NELL1: variants seen among roughly 807,000 people sequenced by gnomAD.
NELL1 encodes the protein neural EGFL like 1.
A neutral mutation model predicts 107.4 loss-of-function variants in NELL1; 76 were observed. The observed-to-expected ratio is 0.71, with a 90% CI of 0.59 to 0.86. The LOEUF (loss-of-function observed/expected upper bound fraction) is 0.86. Among genes scored for constraint, NELL1 ranks in the 40% least tolerant of loss-of-function variants. NELL1 has a pLI of 0.00. For missense variants in NELL1, 1,024 were observed against 1,005.5 expected, an observed-to-expected ratio of 1.02 and a Z score of -0.25; for synonymous variants, 353 against 341.2, an observed-to-expected ratio of 1.03 and a Z score of -0.38.
intron 15 of NELL1, among the ~76,000 whole-genome samples, chr11:21,488,501 A>G (rs1854704764): frequency 6.6e-6 from 1 of 151,972 alleles, no homozygotes; most frequent in Non-Finnish European, 1.5e-5. Flanking sequence ...GGCTTAGGGT[A>G]TGGTTACTAG....
chr11:21,511,436 T>C lies in NELL1; in HGVS notation c.1646-22938T>C, dbSNP rs541260959. On this transcript the variant is annotated intron_variant, in intron 15 of 19. Coordinates refer to ENST00000357134, the MANE Select transcript of NELL1 (RefSeq NM_006157.5). Reference sequence around the variant, plus strand: ...TCACCAACGGCAATCTGGAGTGTTATGGAGACATGATGTTGGATGAGAAAG... The same window carrying C: ...TCACCAACGGCAATCTGGAGTGTTACGGAGACATGATGTTGGATGAGAAAG... Among the ~76,000 whole-genome samples, 7 of 152,272 alleles carry C rather than the reference T, an allele frequency of 4.6e-5. No individual in the cohort carries two copies. In the South Asian group the frequency reaches 8.3e-4, roughly 18 times the overall value.
At position 21,280,465 on chromosome 11, in the gene NELL1, C is replaced by T. The variant is rs867932511; in HGVS notation, c.1549+51011C>T. Among the ~76,000 whole-genome samples the T allele has an allele frequency of 5.9e-5, 9 of 152,292 alleles. No individual in the cohort carries two copies. In the South Asian group the frequency reaches 1.2e-3, roughly 21 times the overall value. On this transcript the variant is annotated intron_variant, in intron 14 of 19. Transcript: ENST00000357134. ...AGACAGTGTTGAATCACTGATGCCA[C>T]CTTTTCCCCATCACTCAGCAGGAGC...
At chr11:20,817,272 G>A (rs1857642891) in intron 3 of NELL1, among the ~76,000 whole-genome samples, 1 of 151,990 alleles carries the variant, frequency 6.6e-6, no homozygotes, top group African/African-American at 2.4e-5. Flanking sequence ...CTGGTCTAGG[G>A]CTTTTTTTTG....
chr11:20,697,871 C>A (rs1854666309), intron 2 of NELL1, among the ~76,000 whole-genome samples: 1 of 152,124 alleles, frequency 6.6e-6, no homozygotes, highest in Admixed American at 6.5e-5. Flanking sequence ...CCATGTGTAA[C>A]CATTTTCACA....
intron 16 of NELL1, among the ~76,000 whole-genome samples, chr11:21,559,545 C>T (rs560291206): frequency 6.6e-6 from 1 of 152,206 alleles, no homozygotes; most frequent in African/African-American, 2.4e-5. Flanking sequence ...CAGCATCCAT[C>T]CATATAGCAA....
chr11:21,347,972 T>C (rs1850721083), intron 14 of NELL1, among the ~76,000 whole-genome samples: 1 of 152,152 alleles, frequency 6.6e-6, no homozygotes, highest in South Asian at 2.1e-4. Flanking sequence ...GGAAAGAGAA[T>C]GGAGGATAAA....
intron 14 of NELL1, among the ~76,000 whole-genome samples, chr11:21,277,292 GA>G (rs1848887264): frequency 6.6e-6 from 1 of 152,018 alleles, no homozygotes; most frequent in Non-Finnish European, 1.5e-5. Flanking sequence ...AAAGACACAT[GA>G]AAAAATGCTC....
chr11:21,342,800 C>T (rs1182546093), intron 14 of NELL1, among the ~76,000 whole-genome samples: 1 of 152,002 alleles, frequency 6.6e-6, no homozygotes, highest in East Asian at 1.9e-4. Context: ...TGCTGAGCTA[C>T]TGGTTACCTT....
chr11:21,004,063 G>A (rs1349848646), intron 12 of NELL1, among the ~76,000 whole-genome samples: 1 of 152,006 alleles, frequency 6.6e-6, no homozygotes, highest in Non-Finnish European at 1.5e-5. Context: ...CATCACTAAT[G>A]CCCTTTGATC....
chr11:21,151,916 C>T (rs927735941), intron 13 of NELL1, among the ~76,000 whole-genome samples: 7 of 152,314 alleles, frequency 4.6e-5, no homozygotes, highest in African/African-American at 1.7e-4. Flanking sequence ...CATCTATCTC[C>T]ATCCATTTGG....
chr11:20,888,062 A>C (rs1217588675), intron 5 of NELL1, among the ~76,000 whole-genome samples: 2 of 152,186 alleles, frequency 1.3e-5, no homozygotes, highest in East Asian at 3.9e-4. Context: ...ATAGGCCCAG[A>C]GATAGTTGAA....
chr11:20,726,218 T>C (rs1564881662), intron 2 of NELL1, among the ~76,000 whole-genome samples: 1 of 152,246 alleles, frequency 6.6e-6, no homozygotes, highest in Non-Finnish European at 1.5e-5. Flanking sequence ...CAAGCACATA[T>C]GTCTTTTGGT....
chr11:21,573,475 A>G, intron 19 of NELL1, 66 bp downstream of exon 19: 4 of 1,351,616 alleles, frequency 3.0e-6, no homozygotes, highest in Non-Finnish European at 4.2e-6. Flanking sequence ...CAGGAGGTCC[A>G]CTCCTGATGT....
At chr11:20,912,197 T>G (rs1850147846) in intron 5 of NELL1, among the ~76,000 whole-genome samples, 1 of 152,040 alleles carries the variant, frequency 6.6e-6, no homozygotes, top group Non-Finnish European at 1.5e-5. Flanking sequence ...TTGTGGATAG[T>G]GCAAAAAAAA....
intron 2 of NELL1, among the ~76,000 whole-genome samples, chr11:20,739,447 C>A (rs1855838162): frequency 6.6e-6 from 1 of 152,196 alleles, no homozygotes; most frequent in Non-Finnish European, 1.5e-5. Flanking sequence ...TCCTGCTGTG[C>A]TTTGTTGCTC....
At chr11:21,481,896 T>G (rs2133900988) in intron 15 of NELL1, among the ~76,000 whole-genome samples, 1 of 152,258 alleles carries the variant, frequency 6.6e-6, no homozygotes, top group Admixed American at 6.5e-5. Flanking sequence ...TTAGTTATCT[T>G]GATTGGAGGC....
intron 16 of NELL1, among the ~76,000 whole-genome samples, chr11:21,559,148 T>A (rs1398313659): frequency 6.6e-6 from 1 of 152,152 alleles, no homozygotes; most frequent in African/African-American, 2.4e-5. Context: ...TTTCTTAATG[T>A]CATCTGCTTT....
intron 12 of NELL1, among the ~76,000 whole-genome samples, chr11:21,020,325 A>G (rs932839102): frequency 6.6e-6 from 1 of 152,088 alleles, no homozygotes; most frequent in African/African-American, 2.4e-5. Flanking sequence ...GCTTCATGCC[A>G]GACACAGCGT....
chr11:20,691,425 A>G (rs908323829), intron 2 of NELL1, among the ~76,000 whole-genome samples: 5 of 151,776 alleles, frequency 3.3e-5, no homozygotes, highest in African/African-American at 1.2e-4. Flanking sequence ...TGGGTTTGTC[A>G]TAGATAGCTC....
Sources: allele counts gnomAD v4.1 joint callset (sites outside exome capture counted in the v4.1 genomes callset), GRCh38; gene constraint gnomAD v4.1.1; transcripts MANE v1.5; gene names NCBI Gene and HGNC (gene_info 2026-07-23, HGNC 2026-07-21).